MFHAS1: variants seen among roughly 807,000 people sequenced by gnomAD.
MFHAS1 encodes malignant fibrous histiocytoma-amplified sequence 1.
Under a neutral mutation model 70.4 loss-of-function variants are expected in MFHAS1, and 50 were observed. That is an observed-to-expected ratio of 0.71 (90% CI 0.57 to 0.90). The LOEUF is 0.90. Ranked by LOEUF, MFHAS1 falls within the 40% of genes least tolerant of loss-of-function variation. MFHAS1 has a pLI of 0.00. For missense variants in MFHAS1, 1,795 were observed against 1,347.6 expected (o/e 1.33, Z -5.20); for synonymous variants, 952 against 620.0 (o/e 1.54, Z -7.96).
intron 1 of MFHAS1, among the ~76,000 whole-genome samples, chr8:8,842,954 T>C (rs890489163): frequency 6.6e-6 from 1 of 152,204 alleles, no homozygotes; most frequent in East Asian, 1.9e-4. Flanking sequence ...AAAAGAGTAG[T>C]ATCTGGTTAG....
chr8:8,883,426 G>GATAGAA, intron 1 of MFHAS1, among the ~76,000 whole-genome samples: 1 of 152,094 alleles, frequency 6.6e-6, no homozygotes, highest in East Asian at 1.9e-4. Flanking sequence ...GGCTCCCATG[G>GATAGAA]GCCAGGCGCA....
At chr8:8,815,497 T>C (rs934890405) in intron 1 of MFHAS1, among the ~76,000 whole-genome samples, 1 of 152,226 alleles carries the variant, frequency 6.6e-6, no homozygotes, top group African/African-American at 2.4e-5. Flanking sequence ...TGTAAAAGCA[T>C]TCCTATTTCT....
At chr8:8,859,185 T>A (rs1396286998) in intron 1 of MFHAS1, among the ~76,000 whole-genome samples, 1 of 152,188 alleles carries the variant, frequency 6.6e-6, no homozygotes, top group African/African-American at 2.4e-5. Context: ...AAACCCCGTC[T>A]CTACAAAAAT....
chr8:8,849,509 T>C (rs1018275232), intron 1 of MFHAS1, among the ~76,000 whole-genome samples: 1 of 152,248 alleles, frequency 6.6e-6, no homozygotes, highest in African/African-American at 2.4e-5. Flanking sequence ...GTGTGTATTC[T>C]GTGTCAGTAA....
chr8:8,805,968 G>T (rs552512737), intron 1 of MFHAS1, among the ~76,000 whole-genome samples: 1 of 152,194 alleles, frequency 6.6e-6, no homozygotes, highest in Non-Finnish European at 1.5e-5. Context: ...CCAAAGTGCT[G>T]GGATTACAGG....
intron 1 of MFHAS1, among the ~76,000 whole-genome samples, chr8:8,875,891 AG>A (rs752122718): frequency 1.3e-5 from 2 of 152,164 alleles, no homozygotes; most frequent in Non-Finnish European, 2.9e-5. Flanking sequence ...CCGGCCTATA[AG>A]TTTTTATAAA....
intron 2 of MFHAS1, among the ~76,000 whole-genome samples, chr8:8,796,301 G>A (rs1805891283): frequency 6.6e-6 from 1 of 152,138 alleles, no homozygotes; most frequent in Non-Finnish European, 1.5e-5. Context: ...AACAGAAAAC[G>A]GCCTATTACT....
intron 2 of MFHAS1, 61 bp downstream of exon 2, chr8:8,797,304 A>G (rs1805938546): frequency 3.8e-6 from 6 of 1,583,946 alleles, no homozygotes; most frequent in East Asian, 2.3e-5. Context: ...TTTTGTGGTC[A>G]TATCTATGGA....
At chr8:8,792,884 CA>C (rs1450707586) in intron 2 of MFHAS1, among the ~76,000 whole-genome samples, 1 of 152,026 alleles carries the variant, frequency 6.6e-6, no homozygotes, top group Non-Finnish European at 1.5e-5. Context: ...CAGAATTTTT[CA>C]GAGCGACCCA....
chr8:8,824,382 C>A (rs79565108), intron 1 of MFHAS1, among the ~76,000 whole-genome samples: 218 of 152,190 alleles, frequency 1.4e-3, no homozygotes, highest in African/African-American at 4.9e-3. Flanking sequence ...GAAAACCAGC[C>A]CTCATTTAGC....
chr8:8,854,301 G>C (rs969746774), intron 1 of MFHAS1, among the ~76,000 whole-genome samples: 3 of 152,014 alleles, frequency 2.0e-5, no homozygotes, highest in African/African-American at 7.2e-5. Flanking sequence ...GGGAGGTCAA[G>C]AAGAGGTCAG....
chr8:8,832,812 T>C (rs1807454953), intron 1 of MFHAS1, among the ~76,000 whole-genome samples: 1 of 152,050 alleles, frequency 6.6e-6, no homozygotes, highest in South Asian at 2.1e-4. Context: ...ACTTTTAATT[T>C]TTTGTCGAGG....
intron 1 of MFHAS1, among the ~76,000 whole-genome samples, chr8:8,822,353 ACT>A (rs1806987800): frequency 6.6e-6 from 1 of 152,174 alleles, no homozygotes; most frequent in South Asian, 2.1e-4. Context: ...GTGAGATGGC[ACT>A]GAGACGTGAC....
intron 2 of MFHAS1, among the ~76,000 whole-genome samples, chr8:8,788,206 T>C (rs1479969924): frequency 6.6e-6 from 1 of 152,254 alleles, no homozygotes; most frequent in Non-Finnish European, 1.5e-5. Context: ...TATTAGGTTC[T>C]GGAGGGCAGG....
intron 1 of MFHAS1, among the ~76,000 whole-genome samples, chr8:8,859,678 C>G (rs1036437893): frequency 2.0e-5 from 3 of 152,150 alleles, no homozygotes; most frequent in Non-Finnish European, 4.4e-5. Context: ...TTCTCAGTAA[C>G]ATTTTCTTTG....
At chr8:8,833,762 A>C (rs1007089548) in intron 1 of MFHAS1, among the ~76,000 whole-genome samples, 1 of 152,214 alleles carries the variant, frequency 6.6e-6, no homozygotes, top group African/African-American at 2.4e-5. Flanking sequence ...GTTCATAGTG[A>C]CTTTATTCAC....
chr8:8,884,169 T>C (rs1012622350), intron 1 of MFHAS1, among the ~76,000 whole-genome samples: 3 of 152,074 alleles, frequency 2.0e-5, no homozygotes, highest in Admixed American at 2.0e-4. Context: ...ATTCCAGGGT[T>C]TAAAGAAGAG....
At chr8:8,818,141 G>C (rs1806816114) in intron 1 of MFHAS1, among the ~76,000 whole-genome samples, 1 of 152,166 alleles carries the variant, frequency 6.6e-6, no homozygotes, top group Non-Finnish European at 1.5e-5. Context: ...CTTGAAACCT[G>C]ACCAGCTTTC....
chr8:8,847,215 C>G (rs1453650676), intron 1 of MFHAS1, among the ~76,000 whole-genome samples: 2 of 152,086 alleles, frequency 1.3e-5, no homozygotes, highest in African/African-American at 4.8e-5. Flanking sequence ...GAGTTTTGCT[C>G]TTGTCATCCA....
Sources: allele counts gnomAD v4.1 joint callset (sites outside exome capture counted in the v4.1 genomes callset), GRCh38; gene constraint gnomAD v4.1.1; transcripts MANE v1.5; gene names NCBI Gene and HGNC (gene_info 2026-07-23, HGNC 2026-07-21).